The following LRSAM1 variants were observed in gnomAD, a reference collection of about 807,000 sequenced individuals.
LRSAM1 encodes leucine rich repeat and sterile alpha motif containing 1, also known as E3 ubiquitin-protein ligase LRSAM1.
LRSAM1 carries 96 observed loss-of-function variants against 118.1 expected under a neutral mutation model. The ratio of observed to expected loss-of-function variants is 0.81; its 90% CI spans 0.69 to 0.96. The LOEUF is 0.96. Among genes scored for constraint, LRSAM1 ranks in the 40% least tolerant of loss-of-function variants. The pLI is 0.00. For missense variants in LRSAM1, 804 were observed against 915.5 expected, an observed-to-expected ratio of 0.88 and a Z score of 1.57; for synonymous variants, 322 against 364.2, an observed-to-expected ratio of 0.88 and a Z score of 1.32.
intron 18 of LRSAM1, 91 bp downstream of exon 18, chr9:127,487,854 TA>T: frequency 9.2e-7 from 1 of 1,092,706 alleles, no homozygotes; most frequent in Non-Finnish European, 1.3e-6. Context: ...GAGCCCTTCC[TA>T]GACAGCATGT....
In LRSAM1 at chr9:127,473,923, G is replaced by A. The variant is rs1182555259; in HGVS notation, c.742G>A (p.Glu248Lys). Residue 248 changes from glutamate (E) to lysine (K), a missense_variant, in exon 11 of 26, where the codon GAG becomes AAG. Glu to Lys is a moderately conservative substitution (Grantham distance 56, BLOSUM62 1). Transcript: ENST00000300417. ...PTDRFSREEL[E>K]WQNRFSDYEK... ...GGACAGATTCTCAAGGGAGGAGTTA[G>A]AGTGGCAGGTAAGACAAGGCAGCCT... is the stretch of plus-strand genomic sequence containing the variant. 2 of 1,614,134 alleles carry A rather than the reference G, an allele frequency of 1.2e-6. No individual in the cohort carries two copies. Among genetic ancestry groups the A allele is most frequent in the Middle Eastern group, 1.6e-4 (1 of 6,084 alleles).
chr9:127,452,811 T>C (rs1259167735), intron 2 of LRSAM1, among the ~76,000 whole-genome samples: 1 of 152,222 alleles, frequency 6.6e-6, no homozygotes, highest in East Asian at 1.9e-4. Context: ...CTGCTCACCA[T>C]GCACTTCCCT....
chr9:127,458,675 C>G (rs944110731), intron 6 of LRSAM1, among the ~76,000 whole-genome samples: 2 of 152,190 alleles, frequency 1.3e-5, no homozygotes, highest in African/African-American at 2.4e-5. Flanking sequence ...TGGAGTACCA[C>G]TGTCAATATT....
intron 15 of LRSAM1, 43 bp from the exon 16 acceptor site, chr9:127,482,907 G>C (rs1165034942): frequency 1.3e-6 from 2 of 1,537,278 alleles, no homozygotes; most frequent in East Asian, 4.9e-5. Context: ...TTCCCTGTTG[G>C]AAATGTTAAA....
rs1835921375 is a variant in LRSAM1, at chr9:127,491,231, C to T, written c.1439C>T (p.Thr480Ile). Reference protein sequence around the residue: ...QIRSQIKLIETELLQLTQLEL... With the variant: ...QIRSQIKLIEIELLQLTQLEL... ...TCTGTTTAGATTAAGTTAATAGAAA[C>T]TGAGTTATTGCAGCTGACACAGCTG... The change falls in exon 20 of 26, where the codon ACT becomes ATT. Residue 480 changes from threonine (T) to isoleucine (I), a missense_variant. Coordinates refer to ENST00000300417, the MANE Select transcript of LRSAM1 (RefSeq NM_001005373.4). The T allele has an allele frequency of 6.2e-7, 1 of 1,613,676 alleles. No homozygotes were observed. The highest frequency in any genetic ancestry group is 1.3e-5 in the African/African-American group (1 of 74,900).
intron 2 of LRSAM1, 98 bp downstream of exon 2, chr9:127,452,182 G>T (rs1471697129): frequency 1.3e-5 from 2 of 152,424 alleles, no homozygotes; most frequent in Non-Finnish European, 2.9e-5. Flanking sequence ...ATGTGGGGCA[G>T]CCTGGAAAGA....
At chr9:127,497,081 T>C (rs1836174774) in intron 23 of LRSAM1, among the ~76,000 whole-genome samples, 172 bp from the exon 24 acceptor site, 1 of 152,258 alleles carries the variant, frequency 6.6e-6, no homozygotes, top group Non-Finnish European at 1.5e-5. Flanking sequence ...CTCACAGCTA[T>C]GGTGCCGCAC....
intron 24 of LRSAM1, among the ~76,000 whole-genome samples, chr9:127,499,782 C>T (rs904214982): frequency 9.2e-5 from 14 of 151,796 alleles, no homozygotes; most frequent in Non-Finnish European, 1.8e-4. Context: ...TAGCTGGGCA[C>T]AGTGGCGTGT....
chr9:127,485,653 T>C, intron 16 of LRSAM1, 83 bp from the exon 17 acceptor site: 1 of 1,296,212 alleles, frequency 7.7e-7, no homozygotes, highest in Non-Finnish European at 1.1e-6. Flanking sequence ...CCTCAGTTCC[T>C]GTGGAAATCC....
intron 5 of LRSAM1, 96 bp downstream of exon 5, chr9:127,455,716 A>T (rs1834493970): frequency 3.5e-6 from 4 of 1,141,658 alleles, no homozygotes; most frequent in Non-Finnish European, 5.3e-6. Flanking sequence ...CGGCGTAGAC[A>T]CCTCCTTTCT....
Position 127,479,889 on chromosome 9 carries a change from C to T in LRSAM1, c.954C>T (p.Asn318=), listed in dbSNP as rs200527839. Reference sequence around the variant, plus strand: ...TGAGTGAGCACCAGCGCCACCTCAACGCAGAGCGGCAGCGGCTGCAGGAGC... The same window carrying T: ...TGAGTGAGCACCAGCGCCACCTCAATGCAGAGCGGCAGCGGCTGCAGGAGC... ...QGLSEHQRHL[N]AERQRLQEQL... Residue 318 remains asparagine, a synonymous_variant, in exon 14 of 26, where the codon AAC becomes AAT. Coordinates refer to ENST00000300417, the MANE Select transcript of LRSAM1 (RefSeq NM_001005373.4). 5.4e-5 allele frequency: 87 copies of T among 1,612,518 alleles called. No homozygotes were observed. In the East Asian group the frequency reaches 9.1e-4, roughly 17 times the overall value.
At chr9:127,455,488 C>A in intron 4 of LRSAM1, 88 bp from the exon 5 acceptor site, 1 of 1,360,006 alleles carries the variant, frequency 7.4e-7, no homozygotes, top group Non-Finnish European at 1.1e-6. Flanking sequence ...CACCTCCTGC[C>A]TGTCTCTTCC....
At chr9:127,478,232 A>G (rs1260029424) in intron 11 of LRSAM1, among the ~76,000 whole-genome samples, 3 of 152,168 alleles carry the variant, frequency 2.0e-5, no homozygotes, top group Non-Finnish European at 4.4e-5. Context: ...GTGAATGTCA[A>G]CCCTTCCACC....
intron 7 of LRSAM1, among the ~76,000 whole-genome samples, chr9:127,460,287 C>G (rs141024805): frequency 6.6e-6 from 1 of 152,158 alleles, no homozygotes; most frequent in Admixed American, 6.5e-5. Context: ...TGTTAGCCAC[C>G]GTGCCTGGCC....
intron 24 of LRSAM1, among the ~76,000 whole-genome samples, chr9:127,498,132 G>A (rs907073839): frequency 3.9e-5 from 6 of 152,184 alleles, no homozygotes; most frequent in Non-Finnish European, 8.8e-5. Context: ...AGGAAGAAGC[G>A]GAGGAGCTGA....
chr9:127,496,258 C>T (rs1200523372), intron 23 of LRSAM1, among the ~76,000 whole-genome samples, 163 bp downstream of exon 23: 14 of 152,236 alleles, frequency 9.2e-5, no homozygotes, highest in Non-Finnish European at 4.4e-5. Flanking sequence ...GCCCATCTGC[C>T]CCAGCCGCCT....
chr9:127,466,511 T>TATACA lies in LRSAM1; in HGVS notation c.529-1229_529-1228insATACA, dbSNP rs1289068994. ...ATATATATATATATATATATTTTTTTTTTTTTTTTTTTTTTTTTTCCACTA... is the reference window on the plus strand; with the variant it reads ...ATATATATATATATATATATTTTTTTATACATTTTTTTTTTTTTTTTTTTCCACTA... On this transcript the variant is annotated intron_variant, in intron 9 of 25. Transcript: ENST00000300417. Among the ~76,000 whole-genome samples, 179 of 80,632 alleles carry TATACA rather than the reference T, an allele frequency of 2.2e-3. 1 individual carries two copies. The highest frequency in any genetic ancestry group is 0.011 in the African/African-American group (175 of 15,808). 52.9% of individuals were successfully genotyped at this position (80,632 alleles called of 152,430 possible).
chr9:127,481,692 C>T (rs745801524), intron 15 of LRSAM1, among the ~76,000 whole-genome samples: 12 of 152,134 alleles, frequency 7.9e-5, no homozygotes, highest in Non-Finnish European at 1.6e-4. Context: ...TTAAAACATA[C>T]GTACACTCCT....
intron 5 of LRSAM1, 93 bp from the exon 6 acceptor site, chr9:127,457,223 C>T (rs946830150): frequency 3.0e-5 from 41 of 1,377,228 alleles, no homozygotes; most frequent in Admixed American, 7.1e-5. Flanking sequence ...GATGGTGGGG[C>T]GTGGCACGGC....
Sources: allele counts gnomAD v4.1 joint callset (sites outside exome capture counted in the v4.1 genomes callset), GRCh38; gene constraint gnomAD v4.1.1; transcripts MANE v1.5; gene names NCBI Gene and HGNC (gene_info 2026-07-23, HGNC 2026-07-21).